The following CDH13 variants were observed in gnomAD, a reference collection of about 807,000 sequenced individuals.
CDH13 encodes cadherin-13.
In CDH13, 24 loss-of-function variants were observed where a neutral mutation model predicts 63.8. The ratio of observed to expected loss-of-function variants is 0.38; its 90% CI spans 0.27 to 0.53. CDH13 has a LOEUF of 0.53. Among genes scored for constraint, CDH13 ranks in the 20% least tolerant of loss-of-function variants. The probability of loss-of-function intolerance (pLI) is 0.85; values close to 1 mark genes in which losing one functional copy is unlikely to be tolerated. For synonymous variants in CDH13, 503 were observed against 355.3 expected, an observed-to-expected ratio of 1.42 and a Z score of -4.67; for missense variants, 1,049 against 903.1, an observed-to-expected ratio of 1.16 and a Z score of -2.07.
intron 3 of CDH13, among the ~76,000 whole-genome samples, chr16:83,078,082 G>A (rs1298014148): frequency 6.6e-6 from 1 of 152,186 alleles, no homozygotes; most frequent in African/African-American, 2.4e-5. Flanking sequence ...TGAGATGAGA[G>A]TCAGCTCAAA....
intron 2 of CDH13, among the ~76,000 whole-genome samples, chr16:82,891,750 T>G (rs2041088175): frequency 6.6e-6 from 1 of 152,178 alleles, no homozygotes; most frequent in South Asian, 2.1e-4. Context: ...CACTTTGGGT[T>G]TCCATAGGAC....
At chr16:83,760,392 G>A (rs993397189) in intron 11 of CDH13, among the ~76,000 whole-genome samples, 1 of 152,170 alleles carries the variant, frequency 6.6e-6, no homozygotes, top group African/African-American at 2.4e-5. Context: ...CAAAACACGA[G>A]TGCCAGAATA....
chr16:83,310,696 G>T (rs1597719716), intron 5 of CDH13, among the ~76,000 whole-genome samples: 1 of 152,176 alleles, frequency 6.6e-6, no homozygotes, highest in Non-Finnish European at 1.5e-5. Flanking sequence ...TTGTACAATG[G>T]GTTGGACAGT....
At chr16:83,190,141 G>A (rs926722965) in intron 4 of CDH13, among the ~76,000 whole-genome samples, 1 of 152,212 alleles carries the variant, frequency 6.6e-6, no homozygotes, top group Non-Finnish European at 1.5e-5. Context: ...AATACCCCAA[G>A]GAGAATACTG....
intron 2 of CDH13, among the ~76,000 whole-genome samples, chr16:82,982,905 T>C (rs1426907350): frequency 6.6e-6 from 1 of 152,154 alleles, no homozygotes; most frequent in African/African-American, 2.4e-5. Context: ...GATACCCCCA[T>C]GAACCGGAGT....
At chr16:82,830,075 T>C (rs2038458894) in intron 1 of CDH13, among the ~76,000 whole-genome samples, 1 of 152,202 alleles carries the variant, frequency 6.6e-6, no homozygotes, top group Non-Finnish European at 1.5e-5. Context: ...ACAATAAAAA[T>C]GTTATTGTTA....
intron 4 of CDH13, among the ~76,000 whole-genome samples, chr16:83,170,920 C>T (rs1437748476): frequency 6.6e-6 from 1 of 152,006 alleles, no homozygotes; most frequent in Non-Finnish European, 1.5e-5. Context: ...CAAAGTTTTG[C>T]CTTGGCCCTC....
intron 7 of CDH13, among the ~76,000 whole-genome samples, chr16:83,503,960 G>C (rs887361957): frequency 6.6e-6 from 1 of 151,872 alleles, no homozygotes; most frequent in South Asian, 2.1e-4. Flanking sequence ...GTTGGGGGGT[G>C]GGGGGCAAGG....
chr16:83,542,525 A>G (rs1380249009), intron 7 of CDH13, among the ~76,000 whole-genome samples: 34 of 152,338 alleles, frequency 2.2e-4, no homozygotes, highest in Admixed American at 2.2e-3. Context: ...GTAACAAAGC[A>G]TCATAAACTA....
intron 2 of CDH13, among the ~76,000 whole-genome samples, chr16:82,873,123 A>G (rs556388286): frequency 6.6e-6 from 1 of 152,306 alleles, no homozygotes; most frequent in South Asian, 2.1e-4. Context: ...CTAAACTATG[A>G]GAAGAATCCA....
At chr16:83,245,639 T>C (rs1904914278) in intron 5 of CDH13, among the ~76,000 whole-genome samples, 1 of 152,260 alleles carries the variant, frequency 6.6e-6, no homozygotes, top group African/African-American at 2.4e-5. Context: ...CTCAATGCAG[T>C]AGACTTAGAT....
intron 7 of CDH13, among the ~76,000 whole-genome samples, chr16:83,499,243 A>G (rs182647626): frequency 5.9e-5 from 9 of 152,386 alleles, no homozygotes; most frequent in East Asian, 3.9e-4. Flanking sequence ...TTCACCATGT[A>G]TCAGCAGGTG....
At chr16:83,259,665 CAG>C (rs1336650121) in intron 5 of CDH13, among the ~76,000 whole-genome samples, 1 of 152,060 alleles carries the variant, frequency 6.6e-6, no homozygotes, top group African/African-American at 2.4e-5. Context: ...TATTATTATA[CAG>C]TAAGTTTTAG....
At chr16:83,189,314 GC>G (rs1410962414) in intron 4 of CDH13, among the ~76,000 whole-genome samples, 3 of 152,088 alleles carry the variant, frequency 2.0e-5, no homozygotes, top group Non-Finnish European at 4.4e-5. Flanking sequence ...GGATTACTTT[GC>G]CCCCAGTCTC....
At chr16:83,588,915 C>A (rs972944672) in intron 7 of CDH13, among the ~76,000 whole-genome samples, 1 of 152,160 alleles carries the variant, frequency 6.6e-6, no homozygotes, top group Non-Finnish European at 1.5e-5. Context: ...TCTCAGTGTT[C>A]CAGGAAACTC....
At chr16:83,118,764 AC>A (rs1393103157) in intron 3 of CDH13, among the ~76,000 whole-genome samples, 4 of 146,030 alleles carry the variant, frequency 2.7e-5, no homozygotes, top group Admixed American at 2.7e-4. Context: ...ATTTCCTTCA[AC>A]CCCTCTGTGT....
chr16:82,651,355 A>G (rs149799800), intron 1 of CDH13, among the ~76,000 whole-genome samples: 4 of 152,302 alleles, frequency 2.6e-5, no homozygotes, highest in Non-Finnish European at 5.9e-5. Context: ...CACATATACC[A>G]TCTTCATTGA....
At chr16:83,659,879 C>T (rs896536284) in intron 8 of CDH13, among the ~76,000 whole-genome samples, 3 of 151,458 alleles carry the variant, frequency 2.0e-5, no homozygotes, top group Non-Finnish European at 4.4e-5. Context: ...CTCCACCTCC[C>T]GGGTTCAAGC....
intron 1 of CDH13, among the ~76,000 whole-genome samples, chr16:82,736,942 G>A (rs1248176595): frequency 6.6e-6 from 1 of 152,122 alleles, no homozygotes; most frequent in African/African-American, 2.4e-5. Flanking sequence ...GCATAATCGT[G>A]TTTCTTCCTC....
Sources: gnomAD v4.1 joint callset for allele counts (sites outside exome capture counted in the v4.1 genomes callset) on GRCh38, gnomAD v4.1.1 for gene constraint, MANE v1.5 for transcripts, NCBI Gene and HGNC (gene_info 2026-07-23, HGNC 2026-07-21) for gene names.